FMNL2: variants seen among roughly 807,000 people sequenced by gnomAD.
FMNL2 encodes formin like 2, also known as formin-like protein 2.
A neutral mutation model predicts 130.2 loss-of-function variants in FMNL2; 51 were observed. That is an observed-to-expected ratio of 0.39 (90% CI 0.31 to 0.49). FMNL2 has a LOEUF of 0.49. FMNL2 is among the 20% of genes least tolerant of loss of function. The pLI is 0.85. For synonymous variants in FMNL2, 465 were observed against 467.1 expected (o/e 1.00, Z 0.06); for missense variants, 977 against 1,316.2 (o/e 0.74, Z 3.99).
Position 152,593,902 on chromosome 2 carries a change from T to TGTGTGTGA in FMNL2, c.876+12854_876+12855insTGTGTGAG, listed in dbSNP as rs1296082394. On this transcript the variant is annotated intron_variant, in intron 9 of 25. Coordinates refer to ENST00000288670, the MANE Select transcript of FMNL2 (RefSeq NM_052905.4). The stretch of plus-strand genomic sequence containing the variant: ...GTGTGTGTGTGTGTGTGTGTGTGTG[T>TGTGTGTGA]GAGAGAGAGAGAGAGAGAGAGAGAG... Among the ~76,000 whole-genome samples, 213 of 81,630 alleles carry TGTGTGTGA rather than the reference T, an allele frequency of 2.6e-3. 3 individuals are homozygous for TGTGTGTGA. The East Asian group carries it at 0.027, about 11-fold the overall frequency. The allele number at this position is 81,630 out of a possible 152,430, so 53.6% of individuals were successfully genotyped here.
At chr2:152,472,499 A>G (rs1452344641) in intron 1 of FMNL2, among the ~76,000 whole-genome samples, 1 of 152,220 alleles carries the variant, frequency 6.6e-6, no homozygotes, top group Non-Finnish European at 1.5e-5. Flanking sequence ...AAGGGAAGCT[A>G]CTTACAGTCT....
chr2:152,367,000 T>C (rs1683593453), intron 1 of FMNL2, among the ~76,000 whole-genome samples: 1 of 151,906 alleles, frequency 6.6e-6, no homozygotes, highest in Non-Finnish European at 1.5e-5. Context: ...ATAAATTAAA[T>C]TAAATGCTCT....
chr2:152,578,171 G>T (rs1283603076), intron 7 of FMNL2, among the ~76,000 whole-genome samples: 1 of 152,120 alleles, frequency 6.6e-6, no homozygotes, highest in Admixed American at 6.5e-5. Flanking sequence ...ATAGATTGAT[G>T]TGGTATAGGA....
At chr2:152,588,304 C>G (rs1697196663) in intron 9 of FMNL2, among the ~76,000 whole-genome samples, 1 of 152,234 alleles carries the variant, frequency 6.6e-6, no homozygotes, top group Admixed American at 6.5e-5. Flanking sequence ...AGCATCTTGT[C>G]TCTGTCTCTC....
intron 6 of FMNL2, among the ~76,000 whole-genome samples, chr2:152,571,908 A>G (rs1696189449): frequency 6.6e-6 from 1 of 151,770 alleles, no homozygotes; most frequent in East Asian, 1.9e-4. Flanking sequence ...TTTTTTTTCA[A>G]TCTTAAGTGA....
At chr2:152,335,749 G>C in intron 1 of FMNL2, 29 bp downstream of exon 1, 1 of 1,528,342 alleles carries the variant, frequency 6.5e-7, no homozygotes, top group Non-Finnish European at 8.8e-7. Flanking sequence ...TCGGGCGCGG[G>C]GACCCGGGGC....
chr2:152,555,367 C>G (rs954198983), intron 4 of FMNL2, among the ~76,000 whole-genome samples: 1 of 152,148 alleles, frequency 6.6e-6, no homozygotes, highest in Non-Finnish European at 1.5e-5. Flanking sequence ...ACTTCAGTTC[C>G]CAACATATGT....
chr2:152,561,637 A>G (rs1196841716), intron 6 of FMNL2, among the ~76,000 whole-genome samples: 2 of 150,912 alleles, frequency 1.3e-5, no homozygotes, highest in Non-Finnish European at 2.9e-5. Context: ...GCAGTGGCAC[A>G]ATCTTGGCTC....
chr2:152,568,218 G>GTTTTTTTTTTTTTTTTTTTTTTTTTTTTT (rs1177965681), intron 6 of FMNL2, among the ~76,000 whole-genome samples: 10 of 34,862 alleles, frequency 2.9e-4, no homozygotes, highest in African/African-American at 8.4e-4. Flanking sequence ...ATTTTGGTGG[G>GTTTTTTTTTTTTTTTTTTTTTTTTTTTTT]TTTTTTTTTT....
chr2:152,645,431 T>C, intron 25 of FMNL2: 1 of 1,286,144 alleles, frequency 7.8e-7, no homozygotes, highest in African/African-American at 1.5e-5. Context: ...TTTTTCTGTT[T>C]AGCCTTAAAG....
intron 4 of FMNL2, among the ~76,000 whole-genome samples, chr2:152,550,259 T>A (rs1453943533): frequency 6.6e-6 from 1 of 152,254 alleles, no homozygotes; most frequent in Non-Finnish European, 1.5e-5. Context: ...TTTTAGAAAC[T>A]GTAGAAATGC....
intron 1 of FMNL2, among the ~76,000 whole-genome samples, chr2:152,502,110 T>C (rs1274484829): frequency 6.6e-6 from 1 of 152,198 alleles, no homozygotes; most frequent in African/African-American, 2.4e-5. Context: ...TGGAAAACAC[T>C]TGGGTTATTT....
At chr2:152,349,742 C>T (rs554967096) in intron 1 of FMNL2, among the ~76,000 whole-genome samples, 16 of 151,174 alleles carry the variant, frequency 1.1e-4, no homozygotes, top group Admixed American at 1.3e-4. Context: ...GGGAAGGTGC[C>T]TTTTCTGAAT....
At chr2:152,486,645 T>C (rs1317555633) in intron 1 of FMNL2, among the ~76,000 whole-genome samples, 1 of 152,250 alleles carries the variant, frequency 6.6e-6, no homozygotes, top group Non-Finnish European at 1.5e-5. Context: ...TAACAGTGCT[T>C]TGGAACATCC....
intron 1 of FMNL2, among the ~76,000 whole-genome samples, chr2:152,444,611 C>T (rs1351973661): frequency 6.6e-6 from 1 of 152,148 alleles, no homozygotes; most frequent in Non-Finnish European, 1.5e-5. Context: ...AGTGAGCTTG[C>T]GTGCTCAGGA....
At chr2:152,502,362 A>G (rs1399784713) in intron 1 of FMNL2, among the ~76,000 whole-genome samples, 1 of 152,240 alleles carries the variant, frequency 6.6e-6, no homozygotes, top group Non-Finnish European at 1.5e-5. Flanking sequence ...AGAGAAGAAT[A>G]TAAGAGGGAT....
chr2:152,392,895 G>T (rs925532227), intron 1 of FMNL2, among the ~76,000 whole-genome samples: 1 of 152,148 alleles, frequency 6.6e-6, no homozygotes, highest in East Asian at 1.9e-4. Flanking sequence ...AGTGGGAGGG[G>T]AGAGAGCTGC....
chr2:152,646,856 G>A (rs905271413), intron 25 of FMNL2, among the ~76,000 whole-genome samples: 7 of 152,156 alleles, frequency 4.6e-5, no homozygotes, highest in Non-Finnish European at 1.0e-4. Context: ...TCAAAGGGAG[G>A]CTGCATAGCC....
intron 9 of FMNL2, among the ~76,000 whole-genome samples, chr2:152,605,817 C>T (rs1254314839): frequency 6.6e-6 from 1 of 152,202 alleles, no homozygotes; most frequent in African/African-American, 2.4e-5. Flanking sequence ...AGGCTGTTCA[C>T]TTTAACGTTC....
Sources: allele counts gnomAD v4.1 joint callset (sites outside exome capture counted in the v4.1 genomes callset), GRCh38; gene constraint gnomAD v4.1.1; transcripts MANE v1.5; gene names NCBI Gene and HGNC (gene_info 2026-07-23, HGNC 2026-07-21).